Variants in OASL observed in about 807,000 individuals in gnomAD.
OASL encodes 2'-5'-oligoadenylate synthase-like protein.
OASL carries 28 observed loss-of-function variants against 35.3 expected under a neutral mutation model. The ratio of observed to expected loss-of-function variants is 0.79; its 90% CI spans 0.59 to 1.09. The LOEUF (loss-of-function observed/expected upper bound fraction) is 1.09, where lower values mean the gene tolerates loss of function less well. Among genes scored for constraint, OASL ranks in the 50% least tolerant of loss-of-function variants. The probability of loss-of-function intolerance (pLI) is 0.00; values close to 1 mark genes in which losing one functional copy is unlikely to be tolerated. For missense variants in OASL, 620 were observed against 635.2 expected, an observed-to-expected ratio of 0.98 and a Z score of 0.26; for synonymous variants, 252 against 254.6, an observed-to-expected ratio of 0.99 and a Z score of 0.10.
At chr12:121,030,564 T>G (rs931550138) in intron 3 of OASL, among the ~76,000 whole-genome samples, 1 of 152,174 alleles carries the variant, frequency 6.6e-6, no homozygotes, top group Non-Finnish European at 1.5e-5. Context: ...GTAACTTCTC[T>G]GCAAGTTCTA....
At chr12:121,027,448 G>T in intron 4 of OASL, 128 bp downstream of exon 4, 1 of 1,381,434 alleles carries the variant, frequency 7.2e-7, no homozygotes, top group Non-Finnish European at 9.8e-7. Flanking sequence ...GGTGTGGGAG[G>T]TCGATGCTCA....
At chr12:121,033,502 T>G (rs1565906964) in exon 2 of OASL, 1 of 1,614,046 alleles carries the variant, frequency 6.2e-7, no homozygotes, top group East Asian at 2.2e-5. Flanking sequence ...CGTGATGGGC[T>G]CCGCAGTCCC....
intron 3 of OASL, among the ~76,000 whole-genome samples, chr12:121,028,965 T>G (rs1033222818): frequency 1.3e-5 from 2 of 148,254 alleles, no homozygotes; most frequent in African/African-American, 5.0e-5. Context: ...CTTGGGAGGC[T>G]GAGGCGGGAG....
At chr12:121,018,692 C>G (rs1160809909), downstream of OASL, among the ~76,000 whole-genome samples, 1 of 151,204 alleles carries the variant, frequency 6.6e-6, no homozygotes, top group Non-Finnish European at 1.5e-5. Context: ...GATGGTGAAA[C>G]CCCGTCTCTA....
At chr12:121,029,977 C>T (rs1021980194) in intron 3 of OASL, among the ~76,000 whole-genome samples, 5 of 152,274 alleles carry the variant, frequency 3.3e-5, no homozygotes, top group African/African-American at 9.6e-5. Flanking sequence ...AGTGATCCTT[C>T]CTCCTCAGCC....
intron 1 of OASL, 126 bp from the exon 2 acceptor site, chr12:121,033,869 C>T (rs1180150638): frequency 2.2e-6 from 2 of 916,578 alleles, no homozygotes; most frequent in Non-Finnish European, 3.3e-6. Context: ...GTGGGTAGTA[C>T]TAATACCCAC....
intron 1 of OASL, among the ~76,000 whole-genome samples, chr12:121,038,461 G>A (rs1870041708): frequency 6.6e-6 from 1 of 152,176 alleles, no homozygotes; most frequent in South Asian, 2.1e-4. Context: ...CATTGTATTG[G>A]TTCTGAGCCT....
Position 121,025,773 on chromosome 12 carries a change from C to A in OASL, c.900-1636G>T, listed in dbSNP as rs9668168. Among the ~76,000 whole-genome samples, 236 of 141,190 alleles carry A rather than the reference C, an allele frequency of 1.7e-3. 1 individual carries two copies. The highest frequency in any genetic ancestry group is 2.9e-3 in the Admixed American group (40 of 13,862). 92.6% of individuals were successfully genotyped at this position (141,190 alleles called of 152,430 possible). ...CAAGACTCCATTAAAAAAAAAAAAA[C>A]AAAACCCAAAAACAAACAAAAAAAA... On this transcript the variant is annotated intron_variant, in intron 4 of 5. Coordinates refer to ENST00000257570, the Ensembl canonical transcript of OASL.
intron 1 of OASL, 28 bp downstream of exon 1, chr12:121,038,746 C>A: frequency 6.2e-7 from 1 of 1,610,894 alleles, no homozygotes; most frequent in Non-Finnish European, 8.5e-7. Context: ...TTTTGTCTTG[C>A]GTGGGGGCTG....
intron 3 of OASL, 37 bp from the exon 4 acceptor site, chr12:121,027,854 CCTAAGATT>C: frequency 6.5e-7 from 1 of 1,547,932 alleles, no homozygotes; most frequent in South Asian, 1.1e-5. Flanking sequence ...AGAGAGAGAC[CCTAAGATT>C]CTGTGTAAGG....
chr12:121,038,681 G>T (rs1870052204), intron 1 of OASL, 93 bp downstream of exon 1: 13 of 1,226,358 alleles, frequency 1.1e-5, no homozygotes, highest in South Asian at 3.8e-5. Context: ...ATGGGCTAGG[G>T]ATAAGGAGGA....
At chr12:121,035,523 T>TAAACAAAACA (rs59297547) in intron 1 of OASL, among the ~76,000 whole-genome samples, 76,975 of 127,150 alleles carry the variant, frequency 0.61, 20,905 homozygotes, top group African/African-American at 0.72. Flanking sequence ...AGACTCCATC[T>TAAACAAAACA]AAACAAAACA....
chr12:121,031,401 C>G (rs761804502), intron 3 of OASL, 41 bp downstream of exon 3: 5 of 1,599,484 alleles, frequency 3.1e-6, no homozygotes, highest in Non-Finnish European at 3.4e-6. Flanking sequence ...TCCTCACCCT[C>G]TTCCCTCTCC....
At chr12:121,023,766 A>G in intron 5 of OASL, 1 of 481,248 alleles carries the variant, frequency 2.1e-6, no homozygotes, top group Non-Finnish European at 3.7e-6. Context: ...ATTATGGGAA[A>G]AAGAAAGGAA....
exon 6 of OASL, chr12:121,020,820 G>A: frequency 6.2e-7 from 1 of 1,614,204 alleles, no homozygotes. Context: ...GGAGGGGATG[G>A]TCTCCAGCAG....
exon 6 of OASL, chr12:121,019,505 T>C (rs887838682): frequency 2.0e-5 from 3 of 152,222 alleles, no homozygotes; most frequent in Non-Finnish European, 4.4e-5. Flanking sequence ...TGTTTGTGTA[T>C]GGGTTTTAGG....
In OASL at chr12:121,027,413, A is replaced by C. The variant is rs1021249225; in HGVS notation, c.899+163T>G. ...GGCCCCCCAGTGACTTTGATAAGCC[A>C]CCAACTTGAGATGCCAGCTGTGTTG... On this transcript the variant is annotated intron_variant, in intron 4 of 5. Transcript: ENST00000257570. Among the ~76,000 whole-genome samples the C allele has an allele frequency of 2.6e-5, 4 of 152,224 alleles. No individual in the cohort carries two copies. The East Asian group carries it at 7.7e-4, about 29-fold the overall frequency.
chr12:121,024,074 G>A (rs1592932730), exon 5 of OASL: 7 of 1,614,146 alleles, frequency 4.3e-6, no homozygotes, highest in East Asian at 2.2e-5. Context: ...TCTGAGCAAC[G>A]ATGTCCCATC....
intron 3 of OASL, among the ~76,000 whole-genome samples, chr12:121,029,920 T>C (rs976180251): frequency 1.3e-5 from 2 of 152,216 alleles, no homozygotes; most frequent in South Asian, 2.1e-4. Flanking sequence ...CCTTAGTGAA[T>C]AGATAAAAAA....
Sources: allele counts gnomAD v4.1 joint callset (sites outside exome capture counted in the v4.1 genomes callset), GRCh38; gene constraint gnomAD v4.1.1; transcripts MANE v1.5; gene names NCBI Gene and HGNC (gene_info 2026-07-23, HGNC 2026-07-21).